UBXN7: variants seen among roughly 807,000 people sequenced by gnomAD.
UBXN7 encodes the protein UBX domain protein 7.
UBXN7 carries 9 observed loss-of-function variants against 58.0 expected under a neutral mutation model. The ratio of observed to expected loss-of-function variants is 0.16; its 90% CI spans 0.09 to 0.27. The LOEUF is 0.27. Ranked by LOEUF, UBXN7 falls within the 10% of genes least tolerant of loss-of-function variation. UBXN7 has a pLI of 1.00. For synonymous variants in UBXN7, 208 were observed against 205.0 expected, an observed-to-expected ratio of 1.01 and a Z score of -0.12; for missense variants, 328 against 599.6, an observed-to-expected ratio of 0.55 and a Z score of 4.73.
At chr3:196,421,489 T>C (rs973319417) in intron 1 of UBXN7, among the ~76,000 whole-genome samples, 2 of 152,152 alleles carry the variant, frequency 1.3e-5, no homozygotes, top group Non-Finnish European at 2.9e-5. Context: ...TTATGGATAG[T>C]GGCCGGGTGT....
At chr3:196,364,983 A>G (rs966341180) in intron 8 of UBXN7, among the ~76,000 whole-genome samples, 1 of 152,176 alleles carries the variant, frequency 6.6e-6, no homozygotes, top group East Asian at 1.9e-4. Context: ...CATTGCACAT[A>G]TAGCATGTAG....
chr3:196,425,171 A>G (rs960568236), intron 1 of UBXN7, among the ~76,000 whole-genome samples: 3 of 152,070 alleles, frequency 2.0e-5, no homozygotes, highest in African/African-American at 7.2e-5. Flanking sequence ...GCTATTCCAT[A>G]CCTTCATAAA....
At chr3:196,381,613 G>A (rs566729278) in intron 5 of UBXN7, among the ~76,000 whole-genome samples, 2 of 152,160 alleles carry the variant, frequency 1.3e-5, no homozygotes, top group South Asian at 4.1e-4. Context: ...TGCCAGCAAC[G>A]GAACAACGCT....
chr3:196,432,185 C>A, intron 1 of UBXN7, 142 bp downstream of exon 1: 3 of 1,199,086 alleles, frequency 2.5e-6, no homozygotes, highest in Non-Finnish European at 3.6e-6. Flanking sequence ...CCGACGCCGT[C>A]GTCGCCTCTT....
chr3:196,417,089 G>T (rs563947407), intron 1 of UBXN7, among the ~76,000 whole-genome samples: 1 of 152,160 alleles, frequency 6.6e-6, no homozygotes, highest in Admixed American at 6.6e-5. Flanking sequence ...CGAGGCGGGC[G>T]GATCACAAGG....
intron 4 of UBXN7, 104 bp downstream of exon 4, chr3:196,393,450 A>T: frequency 9.3e-7 from 1 of 1,079,954 alleles, no homozygotes; most frequent in Non-Finnish European, 1.3e-6. Context: ...TTCACTTTTT[A>T]AAGAAGGTGA....
intron 10 of UBXN7, among the ~76,000 whole-genome samples, chr3:196,357,747 C>T: frequency 6.6e-6 from 1 of 152,196 alleles, no homozygotes; most frequent in Non-Finnish European, 1.5e-5. Context: ...GTAATCCCAA[C>T]TACTTGGGAG....
In UBXN7 at chr3:196,349,992, A is replaced by C. The variant is rs1327037845; in HGVS notation, c.*6693T>G. 6.6e-6 allele frequency: 1 copy of C among 152,238 alleles called. No individual in the cohort carries two copies. The highest frequency in any genetic ancestry group is 1.5e-5 in the Non-Finnish European group (1 of 68,036). The allele number at this position is 152,238 out of a possible 1,614,324, so 9.4% of individuals were successfully genotyped here. Reference sequence around the variant, plus strand: ...TGATCTCTAGAGAGGAAATACAATTAAACAATAAAAACTTGCTGTTTGTTG... The same window carrying C: ...TGATCTCTAGAGAGGAAATACAATTCAACAATAAAAACTTGCTGTTTGTTG... On this transcript the variant is annotated 3_prime_UTR_variant, in exon 11 of 11. Transcript: ENST00000296328.
intron 2 of UBXN7, among the ~76,000 whole-genome samples, chr3:196,404,278 T>C (rs1264559034): frequency 6.6e-6 from 1 of 150,600 alleles, no homozygotes; most frequent in East Asian, 1.9e-4. Context: ...TTTTTTTTTT[T>C]TTGAGACGGA....
intron 1 of UBXN7, among the ~76,000 whole-genome samples, chr3:196,415,996 C>T (rs1477852470): frequency 6.6e-6 from 1 of 152,182 alleles, no homozygotes; most frequent in Non-Finnish European, 1.5e-5. Context: ...CAAGTTCACA[C>T]TATTTTGGCT....
At position 196,348,091 on chromosome 3, in the gene UBXN7, G is replaced by C. The variant is rs1278936263; in HGVS notation, c.*8594C>G. The C allele has an allele frequency of 1.3e-5, 2 of 152,100 alleles. No individual in the cohort carries two copies. The highest frequency in any genetic ancestry group is 2.4e-5 in the African/African-American group (1 of 41,398). The allele number at this position is 152,100 out of a possible 1,614,324, so 9.4% of individuals were successfully genotyped here. A position where few individuals can be genotyped will look rare whatever the true frequency, so the allele number is the denominator to read the frequency against. On this transcript the variant is annotated 3_prime_UTR_variant, in exon 11 of 11. Transcript: ENST00000296328. The stretch of plus-strand genomic sequence containing the variant: ...AAGTTCCATTGAGTCTTAGCCAGTA[G>C]TTACAACTCTGCGTTACCTAATGGC...
intron 4 of UBXN7, among the ~76,000 whole-genome samples, chr3:196,392,875 G>A (rs898461960): frequency 6.6e-6 from 1 of 152,086 alleles, no homozygotes; most frequent in African/African-American, 2.4e-5. Flanking sequence ...CCTTCCACTG[G>A]AAGGACACAG....
chr3:196,415,563 C>T (rs977319932), intron 1 of UBXN7, among the ~76,000 whole-genome samples: 1 of 149,332 alleles, frequency 6.7e-6, no homozygotes, highest in Admixed American at 6.7e-5. Flanking sequence ...GTCACGAGGT[C>T]AGGAGCTCAA....
intron 10 of UBXN7, among the ~76,000 whole-genome samples, chr3:196,360,969 A>G (rs1252798609): frequency 6.6e-6 from 1 of 152,196 alleles, no homozygotes; most frequent in Non-Finnish European, 1.5e-5. Flanking sequence ...ACCACTGCAC[A>G]CCAGCCTGGG....
At chr3:196,432,236 G>T in intron 1 of UBXN7, 91 bp downstream of exon 1, 1 of 1,536,638 alleles carries the variant, frequency 6.5e-7, no homozygotes, top group South Asian at 1.2e-5. Flanking sequence ...AAGCCCGAAG[G>T]AGGAATGCCT....
At chr3:196,399,627 T>A (rs1729895597) in intron 3 of UBXN7, among the ~76,000 whole-genome samples, 1 of 152,278 alleles carries the variant, frequency 6.6e-6, no homozygotes, top group African/African-American at 2.4e-5. Flanking sequence ...TTTGTAGAGA[T>A]AAGAGTCTTC....
At chr3:196,391,037 C>T (rs377222263) in intron 5 of UBXN7, among the ~76,000 whole-genome samples, 2 of 152,192 alleles carry the variant, frequency 1.3e-5, no homozygotes, top group East Asian at 3.9e-4. Flanking sequence ...GGTTTAGTCA[C>T]GATAAAACCA....
intron 1 of UBXN7, among the ~76,000 whole-genome samples, chr3:196,417,796 A>C (rs1269498792): frequency 2.7e-5 from 4 of 147,960 alleles, no homozygotes; most frequent in African/African-American, 1.0e-4. Flanking sequence ...GTGGTGGCAC[A>C]TGCCTGTAGT....
intron 5 of UBXN7, among the ~76,000 whole-genome samples, chr3:196,372,454 G>C (rs749826053): frequency 6.6e-6 from 1 of 150,388 alleles, no homozygotes; most frequent in African/African-American, 2.4e-5. Flanking sequence ...TGATTCTCCC[G>C]CCGCAGCCTC....
Sources: allele counts gnomAD v4.1 joint callset (sites outside exome capture counted in the v4.1 genomes callset), GRCh38; gene constraint gnomAD v4.1.1; transcripts MANE v1.5; gene names NCBI Gene and HGNC (gene_info 2026-07-23, HGNC 2026-07-21).